COG5: variants seen among roughly 807,000 people sequenced by gnomAD.
COG5 encodes component of oligomeric golgi complex 5.
Under a neutral mutation model 110.4 loss-of-function variants are expected in COG5, and 86 were observed. The observed-to-expected ratio is 0.78, with a 90% CI of 0.65 to 0.93. COG5 has a LOEUF of 0.93. COG5 is among the 40% of genes least tolerant of loss of function. COG5 has a pLI of 0.00. For missense variants in COG5, 1,077 were observed against 987.0 expected (o/e 1.09, Z -1.22); for synonymous variants, 360 against 334.6 (o/e 1.08, Z -0.83).
chr7:107,379,715 C>T (rs1814944249), intron 7 of COG5, among the ~76,000 whole-genome samples: 1 of 151,772 alleles, frequency 6.6e-6, no homozygotes, highest in African/African-American at 2.4e-5. Context: ...GGGATTAATG[C>T]AACAAGACGA....
intron 19 of COG5, among the ~76,000 whole-genome samples, chr7:107,219,333 G>C (rs1431911791): frequency 1.3e-5 from 2 of 152,216 alleles, no homozygotes; most frequent in East Asian, 3.9e-4. Context: ...AACCCCACTT[G>C]AGTACATATC....
intron 6 of COG5, among the ~76,000 whole-genome samples, chr7:107,493,297 A>G (rs1179636447): frequency 6.6e-6 from 1 of 152,182 alleles, no homozygotes; most frequent in East Asian, 1.9e-4. Context: ...TATAATCTGT[A>G]GTATTCTTTA....
chr7:107,500,141 T>C (rs17154159), intron 6 of COG5, among the ~76,000 whole-genome samples: 2,033 of 152,288 alleles, frequency 0.013, 50 homozygotes, highest in African/African-American at 0.046. Flanking sequence ...ACACTGAATA[T>C]AGATCCACGT....
chr7:107,212,947 T>C (rs191034929), intron 19 of COG5, among the ~76,000 whole-genome samples: 2 of 152,316 alleles, frequency 1.3e-5, no homozygotes, highest in East Asian at 3.9e-4. Context: ...GAGATCTAGC[T>C]TCCCTAGCAT....
At chr7:107,561,767 G>C (rs1412860071) in intron 1 of COG5, among the ~76,000 whole-genome samples, 1 of 152,196 alleles carries the variant, frequency 6.6e-6, no homozygotes, top group Non-Finnish European at 1.5e-5. Context: ...ACGAGGTCAG[G>C]AGATCGAGAC....
chr7:107,526,612 A>G (rs1025564886), intron 6 of COG5, among the ~76,000 whole-genome samples: 5 of 152,212 alleles, frequency 3.3e-5, no homozygotes, highest in Non-Finnish European at 5.9e-5. Context: ...ACCTATTCAT[A>G]ATCACCAAAA....
At chr7:107,399,200 T>TG (rs1418645110) in intron 7 of COG5, among the ~76,000 whole-genome samples, 1 of 151,566 alleles carries the variant, frequency 6.6e-6, no homozygotes, top group Non-Finnish European at 1.5e-5. Context: ...AGACTCTGTC[T>TG]GAAAAAAAAA....
rs546315471 is a variant in COG5 at position 107,204,253 on chromosome 7, C to CT, written c.2376-624dup. ...ATTAGGTTGGGGGTTAGCAAACTGCCTGCAGGCTGAATCTAGCCTGATGCT... is the reference window on the plus strand; with the variant it reads ...ATTAGGTTGGGGGTTAGCAAACTGCCTTGCAGGCTGAATCTAGCCTGATGCT... On this transcript the variant is annotated intron_variant, in intron 21 of 21. Coordinates refer to ENST00000297135, the MANE Select transcript of COG5 (RefSeq NM_006348.5). 1.1e-4 allele frequency among the ~76,000 whole-genome samples: 16 copies of CT among 152,266 alleles called. No individual in the cohort carries two copies. The South Asian group carries it at 1.9e-3, about 18-fold the overall frequency.
At chr7:107,504,373 T>C (rs1248905993) in intron 6 of COG5, among the ~76,000 whole-genome samples, 1 of 152,242 alleles carries the variant, frequency 6.6e-6, no homozygotes, top group African/African-American at 2.4e-5. Context: ...CATTATCTTT[T>C]TGATGTGATG....
At chr7:107,256,412 G>T (rs1802882326) in intron 16 of COG5, among the ~76,000 whole-genome samples, 1 of 152,070 alleles carries the variant, frequency 6.6e-6, no homozygotes, top group Admixed American at 6.6e-5. Context: ...GGGACAAAAT[G>T]ATTCTGCTGG....
chr7:107,226,627 C>T (rs144398002), intron 19 of COG5, among the ~76,000 whole-genome samples: 21 of 152,198 alleles, frequency 1.4e-4, no homozygotes, highest in Non-Finnish European at 2.6e-4. Flanking sequence ...AACAATGGTG[C>T]GGGGCAGAGG....
At chr7:107,242,263 C>A (rs1562929568) in intron 17 of COG5, among the ~76,000 whole-genome samples, 1 of 152,168 alleles carries the variant, frequency 6.6e-6, no homozygotes, top group Non-Finnish European at 1.5e-5. Flanking sequence ...AAAAGCAAAA[C>A]AGGACAACGC....
At chr7:107,239,639 T>C (rs1470493873) in intron 17 of COG5, among the ~76,000 whole-genome samples, 2 of 152,240 alleles carry the variant, frequency 1.3e-5, no homozygotes, top group Admixed American at 6.5e-5. Flanking sequence ...TGATGTTTTA[T>C]AGTTTTCAGT....
At chr7:107,256,420 T>C (rs190530899) in intron 16 of COG5, among the ~76,000 whole-genome samples, 162 of 152,236 alleles carry the variant, frequency 1.1e-3, no homozygotes, top group African/African-American at 3.7e-3. Flanking sequence ...ATGATTCTGC[T>C]GGAGAACCAC....
chr7:107,538,617 G>C (rs1801759156), intron 5 of COG5, among the ~76,000 whole-genome samples: 1 of 151,948 alleles, frequency 6.6e-6, no homozygotes, highest in African/African-American at 2.4e-5. Flanking sequence ...ACAGAAATTA[G>C]AATCTTCATA....
chr7:107,373,234 T>C lies in COG5; in HGVS notation c.670-474A>G, dbSNP rs139281515. Among the ~76,000 whole-genome samples, 3 of 152,294 alleles carry C rather than the reference T, an allele frequency of 2.0e-5. No homozygotes were observed. The East Asian group carries it at 5.8e-4, about 29-fold the overall frequency. ...ATTCTAACTACAAATATTTATACAGTGCCTACTGTATCTGTCATAGCTCTG... is the reference window on the plus strand; with the variant it reads ...ATTCTAACTACAAATATTTATACAGCGCCTACTGTATCTGTCATAGCTCTG... On this transcript the variant is annotated intron_variant, in intron 7 of 21. Coordinates refer to ENST00000297135, the MANE Select transcript of COG5 (RefSeq NM_006348.5).
intron 14 of COG5, among the ~76,000 whole-genome samples, chr7:107,272,850 T>C (rs774821341): frequency 9.2e-5 from 14 of 152,134 alleles, no homozygotes; most frequent in Non-Finnish European, 8.8e-5. Context: ...AACCTAATAC[T>C]AGTGAGTTGA....
intron 6 of COG5, among the ~76,000 whole-genome samples, chr7:107,439,250 C>T (rs956293069): frequency 6.6e-6 from 1 of 151,686 alleles, no homozygotes; most frequent in African/African-American, 2.4e-5. Context: ...TCAGATATAA[C>T]TATGATGCAA....
chr7:107,528,734 G>T (rs1369619758), intron 5 of COG5, among the ~76,000 whole-genome samples: 1 of 152,100 alleles, frequency 6.6e-6, no homozygotes, highest in Non-Finnish European at 1.5e-5. Context: ...CATCTCCCCT[G>T]TTTAAGGAGA....
Sources: gnomAD v4.1 joint callset for allele counts (sites outside exome capture counted in the v4.1 genomes callset) on GRCh38, gnomAD v4.1.1 for gene constraint, MANE v1.5 for transcripts, NCBI Gene and HGNC (gene_info 2026-07-23, HGNC 2026-07-21) for gene names.